The following HTRA1 variants were observed in gnomAD, a reference collection of about 807,000 sequenced individuals.
HTRA1 encodes HtrA serine peptidase 1, also known as serine protease HTRA1.
A neutral mutation model predicts 49.7 loss-of-function variants in HTRA1; 26 were observed. The ratio of observed to expected loss-of-function variants is 0.52; its 90% CI spans 0.38 to 0.73. The LOEUF (loss-of-function observed/expected upper bound fraction) is 0.73. Among genes scored for constraint, HTRA1 ranks in the 30% least tolerant of loss-of-function variants. The probability of loss-of-function intolerance (pLI) is 0.00; values close to 1 mark genes in which losing one functional copy is unlikely to be tolerated. For missense variants in HTRA1, 561 were observed against 667.2 expected, an observed-to-expected ratio of 0.84 and a Z score of 1.75; for synonymous variants, 291 against 286.9, an observed-to-expected ratio of 1.01 and a Z score of -0.14.
rs926261554 is a variant in HTRA1, at chr10:122,514,472, T to G, written c.*113T>G. The G allele has an allele frequency of 1.9e-5, 20 of 1,051,732 alleles. No individual in the cohort carries two copies. In the African/African-American group the frequency reaches 2.6e-4, roughly 14 times the overall value. The allele number at this position is 1,051,732 out of a possible 1,614,324, so 65.1% of individuals were successfully genotyped here. A position where few individuals can be genotyped will look rare whatever the true frequency, so the allele number is the denominator to read the frequency against. ...TCAAGACTTTTGACTGCCATTTTGT[T>G]TGTTCAGTGGAGACTCCCTGGCCAA... is the stretch of plus-strand genomic sequence containing the variant. On this transcript the variant is annotated 3_prime_UTR_variant, in exon 9 of 9. Coordinates refer to ENST00000368984, the MANE Select transcript of HTRA1 (RefSeq NM_002775.5).
At position 122,490,732 on chromosome 10, in the gene HTRA1, G is replaced by T. The variant is rs973476069; in HGVS notation, c.777+1106G>T. ...AAGCGTGGAATTAATCTGGCTGTTT[G>T]TGCTGTTCAGTGGCACGCTGGTTAC... On this transcript the variant is annotated intron_variant, in intron 3 of 8. Coordinates refer to ENST00000368984, the MANE Select transcript of HTRA1 (RefSeq NM_002775.5). The surrounding 1 kb of genome is among the most constrained non-coding windows in gnomAD (Gnocchi z 4.2). 4.6e-5 allele frequency among the ~76,000 whole-genome samples: 7 copies of T among 152,168 alleles called. No individual in the cohort carries two copies. Among genetic ancestry groups the T allele is most frequent in the Non-Finnish European group, 1.5e-5 (1 of 68,030 alleles).
intron 1 of HTRA1, among the ~76,000 whole-genome samples, chr10:122,480,191 G>A (rs1411652239): frequency 6.6e-6 from 1 of 152,202 alleles, no homozygotes; most frequent in Non-Finnish European, 1.5e-5. Flanking sequence ...GGCAGAAGTG[G>A]GCATGGAGGC....
At chr10:122,496,224 GGTTCTTTTTTTTTTTTTT>G (rs1196708020) in intron 3 of HTRA1, among the ~76,000 whole-genome samples, 1 of 32,064 alleles carries the variant, frequency 3.1e-5, no homozygotes, top group East Asian at 6.1e-4. Context: ...AGAGATTGTG[GGTTCTTTTTTTTTTTTTT>G]TTTTTTTTTT....
Position 122,514,303 on chromosome 10 carries a change from C to T in HTRA1, c.1387C>T (p.Arg463Cys), listed in dbSNP as rs367779857. 1.3e-5 allele frequency: 21 copies of T among 1,614,040 alleles called. No individual in the cohort carries two copies. Among genetic ancestry groups the T allele is most frequent in the East Asian group, 8.9e-5 (4 of 44,882 alleles). ...KRESTLNMVV[R>C]RGNEDIMITV... ...GGAAAGCACCCTGAACATGGTGGTC[C>T]GCAGGGGTAATGAAGATATCATGAT... Residue 463 changes from arginine to cysteine, a missense_variant, in exon 9 of 9, where the codon CGC (arginine) becomes TGC (cysteine). Physicochemically the swap from Arg to Cys is radical, Grantham distance 180. Around this residue, in one of 3 missense-constraint regions of HTRA1, gnomAD observed 179 missense variants for 173.4 expected, o/e 1.03. Coordinates refer to ENST00000368984, the MANE Select transcript of HTRA1 (RefSeq NM_002775.5).
chr10:122,505,467 C>A (rs935311932), intron 3 of HTRA1, among the ~76,000 whole-genome samples: 1 of 152,132 alleles, frequency 6.6e-6, no homozygotes, highest in African/African-American at 2.4e-5. Flanking sequence ...TTTTTCCGAT[C>A]CCAGTCCCAG....
rs753691211 is a variant in HTRA1 at position 122,488,987 on chromosome 10, C to A, written c.558C>A (p.Ile186=). The change falls in exon 2 of 9, where the codon ATC becomes ATA. Residue 186 remains isoleucine (I), a synonymous_variant. Coordinates refer to ENST00000368984, the MANE Select transcript of HTRA1 (RefSeq NM_002775.5). ...AGATCGCCCCTGCCGTGGTTCATAT[C>A]GAATTGTTTCGCAAGTAAAGAGAGC... ...VEKIAPAVVH[I]ELFRKLPFSK... 1 of 1,613,166 alleles carries A rather than the reference C, an allele frequency of 6.2e-7. No homozygotes were observed. Among genetic ancestry groups the A allele is most frequent in the African/African-American group, 1.3e-5 (1 of 75,014 alleles).
intron 1 of HTRA1, among the ~76,000 whole-genome samples, chr10:122,482,744 C>T (rs1030391081): frequency 3.5e-5 from 5 of 144,904 alleles, no homozygotes; most frequent in Non-Finnish European, 7.6e-5. Context: ...ATGGTGAAAC[C>T]CCATCTCTAC....
intron 3 of HTRA1, among the ~76,000 whole-genome samples, chr10:122,497,238 C>T (rs1470807272): frequency 1.3e-5 from 2 of 152,212 alleles, no homozygotes; most frequent in African/African-American, 4.8e-5. Context: ...AGGCAGCTCA[C>T]AGAAACCACT....
At chr10:122,467,492 C>T (rs538755229) in intron 1 of HTRA1, among the ~76,000 whole-genome samples, 8 of 152,300 alleles carry the variant, frequency 5.3e-5, no homozygotes, top group Admixed American at 3.9e-4. Context: ...GGGGAGGCTT[C>T]CTTATGAGCT....
chr10:122,508,825 C>T (rs763332966), intron 6 of HTRA1, 55 bp downstream of exon 6: 20 of 1,077,528 alleles, frequency 1.9e-5, no homozygotes, highest in Non-Finnish European at 2.7e-5. Context: ...TGAAGCTCAG[C>T]TGCCCTTTGG....
rs1444445822 is a variant in HTRA1 at position 122,490,429 on chromosome 10, TG to T, written c.777+806del. ...ATTTGCTTAGCAAAGTCTTCATGTC[TG>T]GGACAATATCCATTTCTTACTGACT... On this transcript the variant is annotated intron_variant, in intron 3 of 8. Transcript: ENST00000368984. The surrounding 1 kb of genome is among the most constrained non-coding windows in gnomAD (Gnocchi z 4.2). Among the ~76,000 whole-genome samples, 3 of 152,240 alleles carry T rather than the reference TG, an allele frequency of 2.0e-5. No individual in the cohort carries two copies. The highest frequency in any genetic ancestry group is 4.4e-5 in the Non-Finnish European group (3 of 68,034).
At position 122,461,571 on chromosome 10, in the gene HTRA1, C is replaced by T; in HGVS notation, c.-82C>T. 1 of 827,290 alleles carries T rather than the reference C, an allele frequency of 1.2e-6. No homozygotes were observed. Among genetic ancestry groups the T allele is most frequent in the Non-Finnish European group, 1.7e-6 (1 of 604,892 alleles). The allele number at this position is 827,290 out of a possible 1,614,324, so 51.2% of individuals were successfully genotyped here. On this transcript the variant is annotated 5_prime_UTR_variant, in exon 1 of 9. Coordinates refer to ENST00000368984, the MANE Select transcript of HTRA1 (RefSeq NM_002775.5). ...CGCGCGCACTCGCACCCGCTGCCCC[C>T]GAGGCCCTCCTGCACTCTCCCCGGC...
At chr10:122,508,004 G>A (rs36061079) in intron 5 of HTRA1, among the ~76,000 whole-genome samples, 2,652 of 152,254 alleles carry the variant, frequency 0.017, 73 homozygotes, top group East Asian at 0.14. Context: ...ATTTATAGAG[G>A]GCAGCTCTGG....
chr10:122,510,855 G>A (rs2097505260), intron 7 of HTRA1, among the ~76,000 whole-genome samples: 1 of 152,232 alleles, frequency 6.6e-6, no homozygotes, highest in Non-Finnish European at 1.5e-5. Flanking sequence ...TTCACTCACT[G>A]TGAAAGTATT....
intron 3 of HTRA1, among the ~76,000 whole-genome samples, chr10:122,504,703 T>C (rs2097502324): frequency 6.6e-6 from 1 of 152,222 alleles, no homozygotes; most frequent in South Asian, 2.1e-4. Flanking sequence ...CCCTGCCTCC[T>C]GCCCCGCCTG....
chr10:122,490,638 AG>A lies in HTRA1; in HGVS notation c.777+1014del, dbSNP rs2097495336. 6.6e-6 allele frequency among the ~76,000 whole-genome samples: 1 copy of A among 152,168 alleles called. No homozygotes were observed. Among genetic ancestry groups the A allele is most frequent in the African/African-American group, 2.4e-5 (1 of 41,430 alleles). Reference sequence around the variant, plus strand: ...CAAGGAAAAGACCAGAGGCTGAGCCAGGTGGGGTCTCTTGTCCAGCCCTCTG... The same window carrying A: ...CAAGGAAAAGACCAGAGGCTGAGCCAGTGGGGTCTCTTGTCCAGCCCTCTG... On this transcript the variant is annotated intron_variant, in intron 3 of 8. Transcript: ENST00000368984. The surrounding 1 kb of genome is among the most constrained non-coding windows in gnomAD (Gnocchi z 4.2).
At chr10:122,463,787 G>A (rs966078320) in intron 1 of HTRA1, among the ~76,000 whole-genome samples, 1 of 152,216 alleles carries the variant, frequency 6.6e-6, no homozygotes, top group South Asian at 2.1e-4. Flanking sequence ...TAACTCCAAG[G>A]GTGTGGGAGA....
chr10:122,484,259 G>A (rs1331991873), intron 1 of HTRA1, among the ~76,000 whole-genome samples: 1 of 152,288 alleles, frequency 6.6e-6, no homozygotes, highest in South Asian at 2.1e-4. Context: ...TCTTCAGGTT[G>A]GTTGCTTCGT....
intron 1 of HTRA1, among the ~76,000 whole-genome samples, chr10:122,467,818 C>A (rs1043405250): frequency 6.6e-6 from 1 of 151,970 alleles, no homozygotes; most frequent in East Asian, 1.9e-4. Context: ...ATAGAGAAAC[C>A]GAGAAGTGTA....
Sources: gnomAD v4.1 joint callset for allele counts (sites outside exome capture counted in the v4.1 genomes callset) on GRCh38, gnomAD v4.1.1 for gene constraint, gnomAD v4.1.1 regional missense constraint, Gnocchi (gnomAD v3.1) non-coding constraint, MANE v1.5 for transcripts, NCBI Gene and HGNC (gene_info 2026-07-23, HGNC 2026-07-21) for gene names.